Variants in KIF5C observed in about 807,000 individuals in gnomAD.
The protein encoded by KIF5C is kinesin family member 5C.
In KIF5C, 18 loss-of-function variants were observed where a neutral mutation model predicts 125.2. The ratio of observed to expected loss-of-function variants is 0.14; its 90% CI spans 0.10 to 0.21. KIF5C has a LOEUF of 0.21. Among genes scored for constraint, KIF5C ranks in the 10% least tolerant of loss-of-function variants. The pLI, the probability that KIF5C is intolerant of heterozygous loss-of-function variation, is 1.00. For missense variants in KIF5C, 780 were observed against 1,183.8 expected (o/e 0.66, Z 5.01); for synonymous variants, 405 against 434.0 (o/e 0.93, Z 0.83).
At chr2:148,998,786 A>T in intron 19 of KIF5C, 1 of 289,382 alleles carries the variant, frequency 3.5e-6, no homozygotes, top group Non-Finnish European at 6.5e-6. Flanking sequence ...CGCTGGATGG[A>T]CGCATGCCCC....
intron 1 of KIF5C, 120 bp downstream of exon 1, chr2:148,875,863 C>G: frequency 7.2e-7 from 1 of 1,394,306 alleles, no homozygotes; most frequent in Non-Finnish European, 9.6e-7. Context: ...GGGCTGGCCT[C>G]TCGGGTGGAC....
Position 149,003,793 on chromosome 2 carries a change from A to G in KIF5C, c.2374-1600A>G, listed in dbSNP as rs1021458465. ...AAAGTTGCCAAACTCAGGACTCTAT[A>G]TTTAGTATTTACACCCCAGGAGATG... On this transcript the variant is annotated intron_variant, in intron 21 of 25. Coordinates refer to ENST00000435030, the MANE Select transcript of KIF5C (RefSeq NM_004522.3). Among the ~76,000 whole-genome samples the G allele has an allele frequency of 2.0e-5, 3 of 152,234 alleles. 1 individual carries two copies. Among genetic ancestry groups the G allele is most frequent in the African/African-American group, 7.2e-5 (3 of 41,462 alleles).
chr2:148,985,293 TAAAAC>T (rs939431761), intron 15 of KIF5C, among the ~76,000 whole-genome samples: 7 of 152,200 alleles, frequency 4.6e-5, no homozygotes, highest in Admixed American at 1.3e-4. Flanking sequence ...GAGACATTTT[TAAAAC>T]AAAACAAAAA....
At chr2:148,931,148 A>AAACAAC (rs533357706) in intron 3 of KIF5C, among the ~76,000 whole-genome samples, 1 of 152,044 alleles carries the variant, frequency 6.6e-6, no homozygotes, top group African/African-American at 2.4e-5. Flanking sequence ...ATATAATGCC[A>AAACAAC]AACAACAACA....
intron 1 of KIF5C, among the ~76,000 whole-genome samples, chr2:148,911,194 G>C (rs966568597): frequency 6.6e-6 from 1 of 152,184 alleles, no homozygotes. Context: ...ATGTGAGAGA[G>C]TATGGAAACG....
At chr2:148,994,658 C>A in intron 17 of KIF5C, 120 bp downstream of exon 17, 4 of 1,169,950 alleles carry the variant, frequency 3.4e-6, no homozygotes, top group Non-Finnish European at 4.5e-6. Flanking sequence ...CTACTGCAAA[C>A]AAAACCATAA....
Position 148,979,102 on chromosome 2 carries a change from A to G in KIF5C, c.1362+112A>G, listed in dbSNP as rs1317185600. ...AGAAGCTTTTCATAATTACAGAATC[A>G]TGTGGAAATTTCTTGGTAGATGTCC... On this transcript the variant is annotated intron_variant, in intron 13 of 25. Transcript: ENST00000435030. 17 of 1,307,292 alleles carry G rather than the reference A, an allele frequency of 1.3e-5. No homozygotes were observed. The Admixed American group carries it at 6.5e-4, about 50-fold the overall frequency. The allele number at this position is 1,307,292 out of a possible 1,614,324, so 81.0% of individuals were successfully genotyped here.
At chr2:148,878,087 T>A (rs1008758397) in intron 1 of KIF5C, 1 of 152,208 alleles carries the variant, frequency 6.6e-6, no homozygotes, top group Admixed American at 6.5e-5. Context: ...GGTAAACTTT[T>A]TATTGAAATG....
chr2:148,964,153 T>C (rs1174409933), intron 11 of KIF5C, among the ~76,000 whole-genome samples: 1 of 151,960 alleles, frequency 6.6e-6, no homozygotes, highest in Non-Finnish European at 1.5e-5. Context: ...CGCATGCCTG[T>C]AATCCCAGCT....
chr2:148,975,667 G>A (rs897827491), intron 12 of KIF5C, among the ~76,000 whole-genome samples: 6 of 152,158 alleles, frequency 3.9e-5, no homozygotes, highest in African/African-American at 1.2e-4. Flanking sequence ...GCCCCGCCAG[G>A]GCTCCAAGCA....
intron 11 of KIF5C, among the ~76,000 whole-genome samples, chr2:148,962,642 A>G (rs949090240): frequency 2.4e-4 from 37 of 152,146 alleles, no homozygotes; most frequent in African/African-American, 8.9e-4. Flanking sequence ...TCACTTGGCT[A>G]GCATGCATTG....
chr2:148,978,312 T>A (rs1681132282), intron 12 of KIF5C, among the ~76,000 whole-genome samples: 1 of 150,246 alleles, frequency 6.7e-6, no homozygotes, highest in Non-Finnish European at 1.5e-5. Flanking sequence ...CATGAATGCT[T>A]CTGTCCCTCA....
At chr2:148,879,425 G>T (rs561782564) in intron 1 of KIF5C, 1 of 152,244 alleles carries the variant, frequency 6.6e-6, no homozygotes, top group Admixed American at 6.5e-5. Flanking sequence ...CTGTTTCTCT[G>T]AGTGGGCCTG....
At chr2:148,904,875 A>C (rs868496824) in intron 1 of KIF5C, among the ~76,000 whole-genome samples, 16 of 152,346 alleles carry the variant, frequency 1.1e-4, no homozygotes, top group South Asian at 4.1e-4. Context: ...ATAACATTGA[A>C]TCAGGTAGTG....
At chr2:148,882,160 G>A (rs1314098370) in intron 1 of KIF5C, among the ~76,000 whole-genome samples, 1 of 152,150 alleles carries the variant, frequency 6.6e-6, no homozygotes, top group Non-Finnish European at 1.5e-5. Context: ...TCACAGCACC[G>A]AACCTGAGGG....
chr2:148,958,996 AC>A (rs1293388725), intron 10 of KIF5C, among the ~76,000 whole-genome samples: 1 of 151,336 alleles, frequency 6.6e-6, no homozygotes, highest in Non-Finnish European at 1.5e-5. Context: ...AAAAAAAAAA[AC>A]TTTGCCTACC....
intron 21 of KIF5C, among the ~76,000 whole-genome samples, chr2:149,004,173 C>T (rs1388627567): frequency 6.6e-6 from 1 of 152,198 alleles, no homozygotes; most frequent in African/African-American, 2.4e-5. Context: ...ACTTCAGGTG[C>T]TTCTTATTTC....
intron 1 of KIF5C, among the ~76,000 whole-genome samples, chr2:148,881,041 C>T (rs1681335155): frequency 6.6e-6 from 1 of 150,386 alleles, no homozygotes; most frequent in Admixed American, 6.6e-5. Flanking sequence ...ACTTACCTCA[C>T]AGGGTCATTT....
At chr2:148,919,841 TC>T in intron 1 of KIF5C, among the ~76,000 whole-genome samples, 1 of 152,358 alleles carries the variant, frequency 6.6e-6, no homozygotes, top group Non-Finnish European at 1.5e-5. Context: ...AACGTGTTAA[TC>T]CTGACAAGAT....
Sources: allele counts gnomAD v4.1 joint callset (sites outside exome capture counted in the v4.1 genomes callset), GRCh38; gene constraint gnomAD v4.1.1; transcripts MANE v1.5; gene names NCBI Gene and HGNC (gene_info 2026-07-23, HGNC 2026-07-21).